The following ATP2B2 variants were observed in gnomAD, a reference collection of about 807,000 sequenced individuals.
The protein encoded by ATP2B2 is ATPase plasma membrane Ca2+ transporting 2.
In ATP2B2, 15 loss-of-function variants were observed where a neutral mutation model predicts 120.0. The observed-to-expected ratio is 0.12, with a 90% CI of 0.08 to 0.19. ATP2B2 has a LOEUF of 0.19. Among genes scored for constraint, ATP2B2 ranks in the 10% least tolerant of loss-of-function variants. ATP2B2 has a pLI of 1.00. For missense variants in ATP2B2, 1,045 were observed against 1,719.8 expected (o/e 0.61, Z 6.94); for synonymous variants, 694 against 700.3 (o/e 0.99, Z 0.14).
intron 8 of ATP2B2, among the ~76,000 whole-genome samples, chr3:10,381,308 G>A (rs1335104842): frequency 1.3e-5 from 2 of 152,230 alleles, no homozygotes; most frequent in Non-Finnish European, 2.9e-5. Context: ...AAGCAGGAAT[G>A]AATAACAACA....
chr3:10,432,534 T>C (rs2063350968), intron 2 of ATP2B2, among the ~76,000 whole-genome samples: 2 of 152,222 alleles, frequency 1.3e-5, no homozygotes, highest in Admixed American at 6.5e-5. Flanking sequence ...ACTGCAGCGG[T>C]TGAAAAACTG....
intron 1 of ATP2B2, among the ~76,000 whole-genome samples, chr3:10,685,452 C>T (rs986511540): frequency 6.6e-6 from 1 of 152,126 alleles, no homozygotes; most frequent in African/African-American, 2.4e-5. Context: ...GTCTCCAGTT[C>T]ACTGTGAGAT....
chr3:10,372,138 T>C, intron 11 of ATP2B2, 87 bp from the exon 12 acceptor site: 1 of 1,578,146 alleles, frequency 6.3e-7, no homozygotes, highest in Non-Finnish European at 8.7e-7. Context: ...AAACATGCAG[T>C]AAATAAGGCA....
chr3:10,612,397 T>A (rs894086949), intron 2 of ATP2B2, among the ~76,000 whole-genome samples: 2 of 152,148 alleles, frequency 1.3e-5, no homozygotes, highest in African/African-American at 4.8e-5. Context: ...GTAGAAGCAT[T>A]TGACACTGCT....
At chr3:10,450,678 AG>A (rs143908980) in intron 1 of ATP2B2, among the ~76,000 whole-genome samples, 1 of 151,994 alleles carries the variant, frequency 6.6e-6, no homozygotes, top group Non-Finnish European at 1.5e-5. Flanking sequence ...TGGCAGGGGG[AG>A]GGGGGTCCCT....
chr3:10,660,529 C>A (rs2070752658), intron 1 of ATP2B2, among the ~76,000 whole-genome samples: 1 of 151,944 alleles, frequency 6.6e-6, no homozygotes, highest in Non-Finnish European at 1.5e-5. Context: ...ATACATACAC[C>A]CTCCCAAGAC....
At chr3:10,543,531 A>T (rs2067482085) in intron 2 of ATP2B2, among the ~76,000 whole-genome samples, 1 of 152,250 alleles carries the variant, frequency 6.6e-6, no homozygotes, top group Non-Finnish European at 1.5e-5. Context: ...ACTTGTAAAA[A>T]TATGAAATAA....
At chr3:10,667,379 C>G (rs751620831) in intron 1 of ATP2B2, among the ~76,000 whole-genome samples, 11 of 152,176 alleles carry the variant, frequency 7.2e-5, no homozygotes, top group Non-Finnish European at 1.2e-4. Flanking sequence ...TCTCTGGAGG[C>G]TGAGGGGGCT....
intron 2 of ATP2B2, among the ~76,000 whole-genome samples, chr3:10,421,426 G>C (rs768764376): frequency 6.6e-6 from 1 of 152,228 alleles, no homozygotes; most frequent in Non-Finnish European, 1.5e-5. Flanking sequence ...GAGGTCATGA[G>C]TGCTGTGGCT....
At chr3:10,531,075 T>C (rs1324895110) in intron 3 of ATP2B2, among the ~76,000 whole-genome samples, 1 of 152,166 alleles carries the variant, frequency 6.6e-6, no homozygotes, top group African/African-American at 2.4e-5. Context: ...ATTGAGGCAG[T>C]GACTCGAGCT....
At chr3:10,529,944 C>T (rs2067176158) in intron 3 of ATP2B2, among the ~76,000 whole-genome samples, 1 of 152,176 alleles carries the variant, frequency 6.6e-6, no homozygotes, top group Non-Finnish European at 1.5e-5. Flanking sequence ...CACTGGAAGC[C>T]AGGAGAGAGG....
At chr3:10,377,034 AAG>A (rs1038620276) in intron 10 of ATP2B2, among the ~76,000 whole-genome samples, 1 of 152,144 alleles carries the variant, frequency 6.6e-6, no homozygotes, top group African/African-American at 2.4e-5. Context: ...AATTCAGCCA[AAG>A]AGAGAGGCAG....
At chr3:10,641,722 G>C (rs2070176666) in intron 1 of ATP2B2, among the ~76,000 whole-genome samples, 1 of 152,176 alleles carries the variant, frequency 6.6e-6, no homozygotes, top group Non-Finnish European at 1.5e-5. Flanking sequence ...GTGAAAGGAA[G>C]GAGTTCTGAG....
chr3:10,475,243 G>A (rs963731949), intron 1 of ATP2B2, among the ~76,000 whole-genome samples: 5 of 152,236 alleles, frequency 3.3e-5, no homozygotes, highest in Non-Finnish European at 5.9e-5. Context: ...CTACTGCTCT[G>A]CGCTCATGAC....
At chr3:10,657,554 G>T (rs577941844) in intron 1 of ATP2B2, among the ~76,000 whole-genome samples, 2 of 152,364 alleles carry the variant, frequency 1.3e-5, no homozygotes, top group East Asian at 3.9e-4. Flanking sequence ...TTGGGGAGGG[G>T]GGCCTGCCAT....
intron 2 of ATP2B2, among the ~76,000 whole-genome samples, chr3:10,609,087 G>A (rs1370013834): frequency 6.6e-6 from 1 of 152,224 alleles, no homozygotes; most frequent in Non-Finnish European, 1.5e-5. Context: ...CGGACTCTGA[G>A]CTGTTTCCTC....
chr3:10,492,579 C>T (rs2065974169), intron 1 of ATP2B2, among the ~76,000 whole-genome samples: 1 of 152,172 alleles, frequency 6.6e-6, no homozygotes, highest in South Asian at 2.1e-4. Flanking sequence ...TCTGTCTGCA[C>T]TGGCCCTCTC....
In ATP2B2 at chr3:10,340,199, T is replaced by C. The variant is rs527581359; in HGVS notation, c.3237+43A>G. 1 of 1,586,206 alleles carries C rather than the reference T, an allele frequency of 6.3e-7. No individual in the cohort carries two copies. Among genetic ancestry groups the C allele is most frequent in the South Asian group, 1.1e-5 (1 of 90,182 alleles). ...ATTCTCCATCCAGTGCTGTCTCCCT[T>C]GCCCTGCTAACAGGCACCTCCTGCG... On this transcript the variant is annotated intron_variant, in intron 21 of 22. Coordinates refer to ENST00000360273, the MANE Select transcript of ATP2B2 (RefSeq NM_001001331.4). The surrounding 1 kb of genome is among the most constrained non-coding windows in gnomAD (Gnocchi z 5.0).
intron 1 of ATP2B2, among the ~76,000 whole-genome samples, chr3:10,494,217 C>G (rs977394058): frequency 1.3e-5 from 2 of 151,798 alleles, no homozygotes; most frequent in Non-Finnish European, 2.9e-5. Flanking sequence ...AAAGGTGCTC[C>G]CTCCCTACTC....
Sources: allele counts gnomAD v4.1 joint callset (sites outside exome capture counted in the v4.1 genomes callset), GRCh38; gene constraint gnomAD v4.1.1; non-coding constraint Gnocchi (gnomAD v3.1); transcripts MANE v1.5; gene names NCBI Gene and HGNC (gene_info 2026-07-23, HGNC 2026-07-21).